The following DCAKD variants were observed in gnomAD, a reference collection of about 807,000 sequenced individuals.
DCAKD encodes dephospho-CoA kinase domain containing.
Under a neutral mutation model 18.7 loss-of-function variants are expected in DCAKD, and 15 were observed. That is an observed-to-expected ratio of 0.80 (90% CI 0.54 to 1.24). The LOEUF is 1.24. DCAKD is among the 50% of genes most tolerant of loss of function. DCAKD has a pLI of 0.00. For synonymous variants in DCAKD, 130 were observed against 133.0 expected, an observed-to-expected ratio of 0.98 and a Z score of 0.16; for missense variants, 301 against 322.0, an observed-to-expected ratio of 0.93 and a Z score of 0.50.
intron 4 of DCAKD, among the ~76,000 whole-genome samples, chr17:45,028,910 G>A (rs964584516): frequency 2.7e-5 from 4 of 150,500 alleles, no homozygotes; most frequent in African/African-American, 9.8e-5. Flanking sequence ...TCACCATGTT[G>A]GCCAGGCTGG....
intron 1 of DCAKD, among the ~76,000 whole-genome samples, chr17:45,039,657 C>G (rs1219877386): frequency 1.3e-5 from 2 of 152,186 alleles, no homozygotes; most frequent in Non-Finnish European, 2.9e-5. Flanking sequence ...CAGCTGAGCC[C>G]CGGGTGCCTT....
At chr17:45,025,846 G>A (rs1283464735) in intron 4 of DCAKD, among the ~76,000 whole-genome samples, 1 of 149,218 alleles carries the variant, frequency 6.7e-6, no homozygotes, top group Non-Finnish European at 1.5e-5. Context: ...CTATCCTCCA[G>A]GTTCAAATGA....
intron 1 of DCAKD, among the ~76,000 whole-genome samples, chr17:45,036,499 G>A (rs1040128931): frequency 1.3e-5 from 2 of 151,970 alleles, no homozygotes; most frequent in African/African-American, 4.8e-5. Context: ...CTGGGTGACA[G>A]AGCGAGACTC....
chr17:45,034,239 G>A lies in DCAKD; in HGVS notation c.264C>T (p.His88=). ...TCATCATCTCCTTGCGAATCTCGGG[G>A]TGGGTGATGGCGTTGAGCAGCTGCC... ...DRRQLLNAIT[H]PEIRKEMMKE... The change falls in exon 3 of 5, where the codon CAC becomes CAT. Residue 88 remains histidine (H), a synonymous_variant. Coordinates refer to ENST00000651974, the MANE Select transcript of DCAKD (RefSeq NM_001288655.2). The A allele has an allele frequency of 1.2e-6, 2 of 1,614,162 alleles. No homozygotes were observed. The highest frequency in any genetic ancestry group is 8.5e-7 in the Non-Finnish European group (1 of 1,180,028).
At chr17:45,050,146 T>G (rs1300058014) in intron 1 of DCAKD, among the ~76,000 whole-genome samples, 1 of 151,948 alleles carries the variant, frequency 6.6e-6, no homozygotes, top group Non-Finnish European at 1.5e-5. Context: ...GTTCAAGCGA[T>G]TTTTCTGCCT....
At chr17:45,054,829 G>A (rs527341237), upstream of DCAKD, among the ~76,000 whole-genome samples, 9 of 152,154 alleles carry the variant, frequency 5.9e-5, no homozygotes, top group Non-Finnish European at 1.3e-4. Flanking sequence ...GGCCTGGCCT[G>A]TCCCCCCAAA....
rs1022123427 is a variant in DCAKD, at chr17:45,061,084, C to T, written c.-314G>A. On this transcript the variant is annotated 5_prime_UTR_variant, in exon 1 of 5. Transcript: ENST00000310604. ...GGTCGGTCCCACCAACCTTGCGCCC[C>T]TTCTTTCCTCAAAGCGTGGCCGAAT... 7 of 1,296,652 alleles carry T rather than the reference C, an allele frequency of 5.4e-6. No homozygotes were observed. In the African/African-American group the frequency reaches 9.0e-5, roughly 17 times the overall value. 80.3% of individuals were successfully genotyped at this position (1,296,652 alleles called of 1,614,324 possible).
At chr17:45,030,416 G>C (rs2053151845) in intron 3 of DCAKD, among the ~76,000 whole-genome samples, 1 of 152,212 alleles carries the variant, frequency 6.6e-6, no homozygotes, top group South Asian at 2.1e-4. Context: ...TGCTGGCCTT[G>C]AAAAGTGGGG....
At chr17:45,042,674 C>T (rs1294393017) in intron 1 of DCAKD, among the ~76,000 whole-genome samples, 2 of 152,236 alleles carry the variant, frequency 1.3e-5, no homozygotes, top group Non-Finnish European at 2.9e-5. Context: ...TTCCAGTTAA[C>T]TATTAAGTGC....
At chr17:45,030,781 G>T (rs1381975731) in intron 3 of DCAKD, among the ~76,000 whole-genome samples, 1 of 152,240 alleles carries the variant, frequency 6.6e-6, no homozygotes, top group Non-Finnish European at 1.5e-5. Flanking sequence ...GAAAGAAGCT[G>T]CTTCTCCCAT....
intron 1 of DCAKD, among the ~76,000 whole-genome samples, chr17:45,040,702 G>A (rs1340476294): frequency 1.3e-5 from 2 of 152,180 alleles, no homozygotes; most frequent in African/African-American, 4.8e-5. Context: ...GTCAGTGAAA[G>A]GCAGCAGGGT....
chr17:45,041,455 C>T (rs1027947865), intron 1 of DCAKD, among the ~76,000 whole-genome samples: 4 of 152,094 alleles, frequency 2.6e-5, no homozygotes, highest in African/African-American at 7.2e-5. Flanking sequence ...AGGCTACAGG[C>T]GCCTGCCATC....
chr17:45,029,977 AC>A, intron 4 of DCAKD, 114 bp downstream of exon 4: 1 of 914,920 alleles, frequency 1.1e-6, no homozygotes, highest in Non-Finnish European at 1.8e-6. Context: ...TGCTGCCCAA[AC>A]CCCCATGCCT....
intron 1 of DCAKD, among the ~76,000 whole-genome samples, chr17:45,046,341 C>T (rs536169819): frequency 2.6e-5 from 4 of 152,116 alleles, no homozygotes; most frequent in South Asian, 2.1e-4. Flanking sequence ...TGGCTGGGCA[C>T]GGCGGCTCAC....
intron 1 of DCAKD, among the ~76,000 whole-genome samples, chr17:45,045,317 C>T (rs914113722): frequency 5.3e-5 from 8 of 152,202 alleles, no homozygotes; most frequent in African/African-American, 1.9e-4. Context: ...CGCTGACCAA[C>T]GTGTCACCAC....
At chr17:45,053,788 C>CCTGA (rs1426799640), upstream of DCAKD, among the ~76,000 whole-genome samples, 1 of 151,988 alleles carries the variant, frequency 6.6e-6, no homozygotes, top group Non-Finnish European at 1.5e-5. Flanking sequence ...GTCTCAAACT[C>CCTGA]CTGACCTCAG....
intron 1 of DCAKD, among the ~76,000 whole-genome samples, chr17:45,043,882 C>T (rs371841016): frequency 1.5e-4 from 23 of 152,190 alleles, no homozygotes; most frequent in African/African-American, 5.3e-4. Flanking sequence ...CACCCTCCAT[C>T]CAACCCGCAG....
chr17:45,041,376 A>G (rs1204375744), intron 1 of DCAKD, among the ~76,000 whole-genome samples: 1 of 147,284 alleles, frequency 6.8e-6, no homozygotes, highest in African/African-American at 2.5e-5. Context: ...CAGTGGTGCG[A>G]TCTCGGCTCA....
At chr17:45,039,603 T>C (rs1271752345) in intron 1 of DCAKD, among the ~76,000 whole-genome samples, 3 of 152,186 alleles carry the variant, frequency 2.0e-5, no homozygotes, top group Non-Finnish European at 2.9e-5. Context: ...CAGGAAGTCT[T>C]CTCTCCAGCC....
Sources: allele counts gnomAD v4.1 joint callset (sites outside exome capture counted in the v4.1 genomes callset), GRCh38; gene constraint gnomAD v4.1.1; transcripts MANE v1.5; gene names NCBI Gene and HGNC (gene_info 2026-07-23, HGNC 2026-07-21).